TSC2: variants seen among roughly 807,000 people sequenced by gnomAD.
TSC2 encodes tuberin.
A neutral mutation model predicts 202.2 loss-of-function variants in TSC2; 29 were observed. The observed-to-expected ratio is 0.14, with a 90% confidence interval of 0.11 to 0.20. The LOEUF is 0.20. Ranked by LOEUF, TSC2 falls within the 10% of genes least tolerant of loss-of-function variation. The pLI is 1.00. For synonymous variants in TSC2, 1,349 were observed against 1,044.0 expected (o/e 1.29, Z -5.63); for missense variants, 2,429 against 2,420.0 (o/e 1.00, Z -0.08).
At position 2,058,822 on chromosome 16, in the gene TSC2, G is replaced by T; in HGVS notation, c.924G>T (p.Arg308=). The T allele has an allele frequency of 6.2e-7, 1 of 1,604,148 alleles. No individual in the cohort carries two copies. Among genetic ancestry groups the T allele is most frequent in the Non-Finnish European group, 8.5e-7 (1 of 1,175,290 alleles). Residue 308 remains arginine, a synonymous_variant, in exon 10 of 42, where the codon CGG becomes CGT. Coordinates refer to ENST00000219476, the MANE Select transcript of TSC2 (RefSeq NM_000548.5). ...GCATGGCTCTCTGGGGAGCCCACCG[G>T]CTCTATTCTCTCAGGAACTCGCCGA... The part of the protein sequence containing the change: ...FVGMALWGAH[R]LYSLRNSPTS...
At chr16:2,060,867 C>T (rs1352117083) in intron 11 of TSC2, 54 bp downstream of exon 11, 23 of 1,602,988 alleles carry the variant, frequency 1.4e-5, no homozygotes, top group East Asian at 1.1e-4. Context: ...CAGGCAGGCT[C>T]GGCCCACTCA....
chr16:2,060,321 G>C (rs1335415058), intron 10 of TSC2, among the ~76,000 whole-genome samples: 2 of 152,200 alleles, frequency 1.3e-5, no homozygotes, highest in African/African-American at 2.4e-5. Context: ...CTCCCCGTAG[G>C]GGCGGTGGGG....
intron 11 of TSC2, chr16:2,061,414 C>T (rs930052546): frequency 2.8e-5 from 9 of 317,818 alleles, no homozygotes; most frequent in Non-Finnish European, 3.1e-5. Flanking sequence ...GCATTGCCCC[C>T]GACCGCTGGT....
intron 35 of TSC2, 60 bp downstream of exon 35, chr16:2,085,086 G>C (rs1846756494): frequency 1.2e-6 from 2 of 1,608,374 alleles, no homozygotes; most frequent in South Asian, 1.1e-5. Context: ...TGAATGGTGG[G>C]GGGCCCAGCT....
Position 2,088,744 on chromosome 16 carries a change from T to C in TSC2, c.*134T>C, listed in dbSNP as rs979264685. 4 of 1,281,130 alleles carry C rather than the reference T, an allele frequency of 3.1e-6. No individual in the cohort carries two copies. The highest frequency in any genetic ancestry group is 3.0e-5 in the African/African-American group (2 of 67,222). 79.4% of individuals were successfully genotyped at this position (1,281,130 alleles called of 1,614,324 possible). A position where few individuals can be genotyped will look rare whatever the true frequency, so the allele number is the denominator to read the frequency against. ...CAGCTCTTTTATTGACTTTGTCTGCTTGGTGCGGGGGTTGGGGGGGTGTCG... is the reference window on the plus strand; with the variant it reads ...CAGCTCTTTTATTGACTTTGTCTGCCTGGTGCGGGGGTTGGGGGGGTGTCG... On this transcript the variant is annotated 3_prime_UTR_variant, in exon 42 of 42. Transcript: ENST00000219476.
chr16:2,075,768 G>C (rs145738496), intron 22 of TSC2, 31 bp from the exon 23 acceptor site: 1 of 1,609,382 alleles, frequency 6.2e-7, no homozygotes, highest in Non-Finnish European at 8.5e-7. Context: ...CGGGACCCCG[G>C]CTCCCCTGAC....
chr16:2,074,473 G>A, intron 22 of TSC2, 84 bp downstream of exon 22: 1 of 1,536,164 alleles, frequency 6.5e-7, no homozygotes, highest in Non-Finnish European at 8.8e-7. Flanking sequence ...CCTCTCTCAG[G>A]ACTCCTTGGG....
rs756536921 is a variant in TSC2, at chr16:2,071,876, G to A, written c.2039G>A (p.Arg680Gln). 2.9e-5 allele frequency: 46 copies of A among 1,597,084 alleles called. No individual in the cohort carries two copies. Among genetic ancestry groups the A allele is most frequent in the Non-Finnish European group, 3.5e-5 (41 of 1,172,578 alleles). ...CCGGCGCCTGCAGGCCCCGCCGTGCGGCTGGGGTCCGTGCCCTACTCCCTG... is the reference window on the plus strand; with the variant it reads ...CCGGCGCCTGCAGGCCCCGCCGTGCAGCTGGGGTCCGTGCCCTACTCCCTG... ...PGPAPAGPAVRLGSVPYSLLF... is the reference protein window; with the variant it reads ...PGPAPAGPAVQLGSVPYSLLF... The change falls in exon 19 of 42, where the codon CGG becomes CAG. Residue 680 changes from arginine (R) to glutamine (Q), a missense_variant. Coordinates refer to ENST00000219476, the MANE Select transcript of TSC2 (RefSeq NM_000548.5).
chr16:2,063,950 A>G (rs2086961757), intron 14 of TSC2: 6 of 458,594 alleles, frequency 1.3e-5, no homozygotes, highest in Middle Eastern at 6.5e-4. Context: ...GCACAGCACC[A>G]TGTGGGAGGG....
chr16:2,061,752 C>G, intron 11 of TSC2, 119 bp from the exon 12 acceptor site: 1 of 1,555,598 alleles, frequency 6.4e-7, no homozygotes, highest in Non-Finnish European at 8.8e-7. Flanking sequence ...CCCATGCGGC[C>G]CAGAGCGGCC....
At chr16:2,056,108 T>C (rs994704211) in intron 6 of TSC2, 88 bp from the exon 7 acceptor site, 7 of 1,564,262 alleles carry the variant, frequency 4.5e-6, no homozygotes, top group Middle Eastern at 1.7e-4. Context: ...ATGCGTGTTA[T>C]TGACGTCATA....
intron 33 of TSC2, among the ~76,000 whole-genome samples, 155 bp from the exon 34 acceptor site, chr16:2,084,073 T>C (rs997494955): frequency 1.3e-5 from 2 of 152,212 alleles, no homozygotes; most frequent in Non-Finnish European, 2.9e-5. Flanking sequence ...GTGGCAGTGC[T>C]GCTGCGTCAA....
Position 2,083,640 on chromosome 16 carries a change from A to G in TSC2, c.3884-55A>G, listed in dbSNP as rs45517318. The G allele has an allele frequency of 1.9e-6, 3 of 1,552,874 alleles. No homozygotes were observed. In the Admixed American group the frequency reaches 5.8e-5, roughly 30 times the overall value. On this transcript the variant is annotated intron_variant, in intron 32 of 41. Coordinates refer to ENST00000219476, the MANE Select transcript of TSC2 (RefSeq NM_000548.5). ...AAGGCTGGTTCTCGGAGGCCACGTC[A>G]GGGCCAGGGCCTGGCCCAGCCCCAC...
intron 17 of TSC2, 59 bp downstream of exon 17, chr16:2,070,637 C>G (rs867299469): frequency 3.2e-5 from 51 of 1,610,540 alleles, no homozygotes; most frequent in Non-Finnish European, 4.3e-5. Flanking sequence ...ATCCCCGTCT[C>G]GGCAGGTGTG....
At chr16:2,061,667 G>A in intron 11 of TSC2, 1 of 771,790 alleles carries the variant, frequency 1.3e-6, no homozygotes, top group Admixed American at 2.1e-5. Context: ...GGGTCAGGGT[G>A]GCCCCTGGAG....
In TSC2 at chr16:2,074,408, T is replaced by C. The variant is rs773100764; in HGVS notation, c.2545+19T>C. 19 of 1,607,216 alleles carry C rather than the reference T, an allele frequency of 1.2e-5. No individual in the cohort carries two copies. The South Asian group carries it at 2.0e-4, about 17-fold the overall frequency. ...CTGTCCAGTGAGTCCCCGCCCTGCC[T>C]GCGCATGCACCCGAGAGGTTCGGGC... On this transcript the variant is annotated intron_variant, in intron 22 of 41. Transcript: ENST00000219476.
intron 37 of TSC2, 73 bp downstream of exon 37, chr16:2,086,452 C>G (rs1023379907): frequency 4.3e-5 from 67 of 1,565,044 alleles, no homozygotes; most frequent in Non-Finnish European, 5.8e-5. Flanking sequence ...CCTGCTACCC[C>G]ACGCCCTGGG....
intron 11 of TSC2, 150 bp downstream of exon 11, chr16:2,060,963 C>A (rs2086568348): frequency 2.0e-6 from 2 of 983,352 alleles, no homozygotes; most frequent in Non-Finnish European, 3.0e-6. Context: ...TGGCGCTCAT[C>A]CACCTTCCAC....
intron 16 of TSC2, among the ~76,000 whole-genome samples, chr16:2,067,600 G>A (rs8054019): frequency 2.6e-5 from 4 of 151,970 alleles, no homozygotes; most frequent in South Asian, 2.1e-4. Flanking sequence ...GAGAAACCCC[G>A]TCTCTACTAA....
Sources: gnomAD v4.1 joint callset for allele counts (sites outside exome capture counted in the v4.1 genomes callset) on GRCh38, gnomAD v4.1.1 for gene constraint, MANE v1.5 for transcripts, NCBI Gene and HGNC (gene_info 2026-07-23, HGNC 2026-07-21) for gene names.